The following PTPRD variants were observed in gnomAD, a reference collection of about 807,000 sequenced individuals.
The protein encoded by PTPRD is protein tyrosine phosphatase receptor type D.
PTPRD carries 34 observed loss-of-function variants against 214.5 expected under a neutral mutation model. That is an observed-to-expected ratio of 0.16 (90% CI 0.12 to 0.21). The LOEUF (loss-of-function observed/expected upper bound fraction) is 0.21. Among genes scored for constraint, PTPRD ranks in the 10% least tolerant of loss-of-function variants. The pLI is 1.00. For synonymous variants in PTPRD, 1,128 were observed against 845.7 expected (o/e 1.33, Z -5.79); for missense variants, 2,545 against 2,398.7 (o/e 1.06, Z -1.27).
Position 9,147,050 on chromosome 9 carries a change from C to A in PTPRD, c.-143+36254G>T, listed in dbSNP as rs1034812426. On this transcript the variant is annotated intron_variant, in intron 10 of 45. Coordinates refer to ENST00000381196, the MANE Select transcript of PTPRD (RefSeq NM_002839.4). ...GTGTATATAGATAGACTTTAACTAC[C>A]ACCAAATTGGAATAATAAGTTAGTA... 2.0e-4 allele frequency among the ~76,000 whole-genome samples: 30 copies of A among 152,112 alleles called. No individual in the cohort carries two copies. In the East Asian group the frequency reaches 5.6e-3, roughly 28 times the overall value.
intron 4 of PTPRD, among the ~76,000 whole-genome samples, chr9:10,018,297 A>G (rs2096766177): frequency 6.6e-6 from 1 of 152,014 alleles, no homozygotes; most frequent in South Asian, 2.1e-4. Flanking sequence ...TTCCCTTTCT[A>G]TCTCTTTTAT....
At chr9:9,483,035 T>C (rs2890870) in intron 8 of PTPRD, among the ~76,000 whole-genome samples, 13,044 of 152,236 alleles carry the variant, frequency 0.086, 577 homozygotes, top group South Asian at 0.12. Context: ...ATTCTGCAGT[T>C]CTGTGATAAG....
chr9:8,748,306 C>A (rs1288162103), intron 11 of PTPRD, among the ~76,000 whole-genome samples: 1 of 151,798 alleles, frequency 6.6e-6, no homozygotes, highest in African/African-American at 2.4e-5. Context: ...TAGCTCACAC[C>A]CAACCAATCA....
At chr9:10,433,596 C>T (rs2098697567) in intron 2 of PTPRD, among the ~76,000 whole-genome samples, 1 of 151,774 alleles carries the variant, frequency 6.6e-6, no homozygotes, top group Non-Finnish European at 1.5e-5. Flanking sequence ...TGAATGTTAC[C>T]ACATGGAAAA....
At chr9:9,272,394 AACT>A (rs1943293265) in intron 9 of PTPRD, among the ~76,000 whole-genome samples, 1 of 151,322 alleles carries the variant, frequency 6.6e-6, no homozygotes, top group South Asian at 2.1e-4. Context: ...AAAATTTTGA[AACT>A]ACTATTTAAC....
At chr9:8,434,445 C>T (rs2095256995) in intron 35 of PTPRD, among the ~76,000 whole-genome samples, 1 of 152,088 alleles carries the variant, frequency 6.6e-6, no homozygotes, top group South Asian at 2.1e-4. Context: ...TGCTATACTC[C>T]ACGATGTTTA....
At chr9:10,036,115 A>G (rs1297342271) in intron 3 of PTPRD, among the ~76,000 whole-genome samples, 1 of 152,172 alleles carries the variant, frequency 6.6e-6, no homozygotes, top group African/African-American at 2.4e-5. Flanking sequence ...ATATCTTCCA[A>G]ATAAACGCAG....
intron 3 of PTPRD, among the ~76,000 whole-genome samples, chr9:10,178,952 G>A (rs1248669858): frequency 1.3e-5 from 2 of 151,746 alleles, no homozygotes; most frequent in African/African-American, 4.8e-5. Flanking sequence ...AGGAAATACA[G>A]GAATGGGGAA....
intron 11 of PTPRD, among the ~76,000 whole-genome samples, chr9:8,913,387 A>T (rs890311466): frequency 1.3e-5 from 2 of 152,126 alleles, no homozygotes; most frequent in African/African-American, 2.4e-5. Flanking sequence ...ATATTCACAA[A>T]CATATCAAAG....
At chr9:10,595,831 A>G (rs73642023) in intron 2 of PTPRD, among the ~76,000 whole-genome samples, 7,006 of 151,720 alleles carry the variant, frequency 0.046, 259 homozygotes, top group African/African-American at 0.1. Context: ...TTTCCCTTAT[A>G]CATTTAAGAT....
At chr9:10,246,472 G>C (rs948642143) in intron 3 of PTPRD, among the ~76,000 whole-genome samples, 3 of 152,158 alleles carry the variant, frequency 2.0e-5, no homozygotes, top group African/African-American at 7.2e-5. Context: ...TCCAACTCTT[G>C]ACCTCAGGTG....
chr9:10,281,095 T>G (rs542474655), intron 3 of PTPRD, among the ~76,000 whole-genome samples: 21 of 152,306 alleles, frequency 1.4e-4, no homozygotes, highest in Middle Eastern at 3.4e-3. Context: ...CTCCTTGAAG[T>G]CTTCGTATCT....
At chr9:10,138,063 G>T (rs1005431461) in intron 3 of PTPRD, among the ~76,000 whole-genome samples, 7 of 151,924 alleles carry the variant, frequency 4.6e-5, no homozygotes, top group African/African-American at 1.7e-4. Context: ...GAAGAAAATT[G>T]ATATGCAAAA....
chr9:9,665,113 G>A (rs2096693774), intron 7 of PTPRD, among the ~76,000 whole-genome samples: 1 of 151,778 alleles, frequency 6.6e-6, no homozygotes, highest in South Asian at 2.1e-4. Flanking sequence ...GCATCTATGT[G>A]TGTATGTGGG....
At chr9:9,793,342 A>C (rs2821487) in intron 5 of PTPRD, among the ~76,000 whole-genome samples, 119,587 of 151,976 alleles carry the variant, frequency 0.79, 48,060 homozygotes, top group African/African-American at 0.87. Flanking sequence ...ACGAAGACAT[A>C]ATCTTTTTTC....
chr9:10,210,989 AT>A (rs2099514598), intron 3 of PTPRD, among the ~76,000 whole-genome samples: 1 of 151,468 alleles, frequency 6.6e-6, no homozygotes. Flanking sequence ...AAGGGTACAC[AT>A]TTTTGTGTAA....
rs558776348 is a variant in PTPRD, at chr9:10,206,891, C to A, written c.-545+134072G>T. On this transcript the variant is annotated intron_variant, in intron 3 of 45. Transcript: ENST00000381196. Reference sequence around the variant, plus strand: ...GACTAGAAACCAAGAAAACACATACCAATAAATACTGGAGCATATCATCAC... The same window carrying A: ...GACTAGAAACCAAGAAAACACATACAAATAAATACTGGAGCATATCATCAC... 3.9e-5 allele frequency among the ~76,000 whole-genome samples: 6 copies of A among 152,056 alleles called. No homozygotes were observed. In the South Asian group the frequency reaches 1.2e-3, roughly 32 times the overall value.
chr9:8,818,535 T>C (rs2096970184), intron 11 of PTPRD, among the ~76,000 whole-genome samples: 1 of 152,116 alleles, frequency 6.6e-6, no homozygotes, highest in Non-Finnish European at 1.5e-5. Context: ...TAAGGTGAGG[T>C]TATTCTCATT....
intron 23 of PTPRD, among the ~76,000 whole-genome samples, chr9:8,502,603 A>G (rs2097434539): frequency 6.6e-6 from 1 of 152,086 alleles, no homozygotes; most frequent in Non-Finnish European, 1.5e-5. Flanking sequence ...CTTATATCTC[A>G]AATTATAAAA....
Sources: gnomAD v4.1 joint callset for allele counts (sites outside exome capture counted in the v4.1 genomes callset) on GRCh38, gnomAD v4.1.1 for gene constraint, MANE v1.5 for transcripts, NCBI Gene and HGNC (gene_info 2026-07-23, HGNC 2026-07-21) for gene names.